GOLIM4: variants seen among roughly 807,000 people sequenced by gnomAD.
The protein encoded by GOLIM4 is 130 kDa golgi-localized phosphoprotein.
In GOLIM4, 71 loss-of-function variants were observed where a neutral mutation model predicts 107.4. The observed-to-expected ratio is 0.66, with a 90% CI of 0.55 to 0.81. The LOEUF (loss-of-function observed/expected upper bound fraction) is 0.81, where lower values mean the gene tolerates loss of function less well. Among genes scored for constraint, GOLIM4 ranks in the 30% least tolerant of loss-of-function variants. The pLI, the probability that GOLIM4 is intolerant of heterozygous loss-of-function variation, is 0.00. For missense variants in GOLIM4, 830 were observed against 826.1 expected (o/e 1.00, Z -0.06); for synonymous variants, 327 against 294.8 (o/e 1.11, Z -1.12).
intron 1 of GOLIM4, among the ~76,000 whole-genome samples, chr3:168,065,151 T>C (rs574202819): frequency 1.3e-5 from 2 of 152,326 alleles, no homozygotes; most frequent in South Asian, 2.1e-4. Flanking sequence ...AGTAATAAAA[T>C]GAAGCTGTTG....
At chr3:168,058,238 AT>A (rs1720083531) in intron 1 of GOLIM4, among the ~76,000 whole-genome samples, 1 of 152,244 alleles carries the variant, frequency 6.6e-6, no homozygotes, top group Non-Finnish European at 1.5e-5. Flanking sequence ...AGTAGCTTAT[AT>A]GGAAATTTTA....
rs1432878158 is a variant in GOLIM4, at chr3:168,081,671, AAATGGTAATAACACAGTAT to A, written c.187+13409_187+13427del. Among the ~76,000 whole-genome samples the A allele has an allele frequency of 6.6e-5, 10 of 152,280 alleles. No homozygotes were observed. In the South Asian group the frequency reaches 1.7e-3, roughly 25 times the overall value. Reference sequence around the variant, plus strand: ...TGTGACTTCTGCTTCCTTAAATTTAAAATGGTAATAACACAGTATAATGGTAATAACACAGAGTTATTAC... The same window carrying A: ...TGTGACTTCTGCTTCCTTAAATTTAAAATGGTAATAACACAGAGTTATTAC... On this transcript the variant is annotated intron_variant, in intron 1 of 15. Transcript: ENST00000470487.
At chr3:168,033,606 C>CAAAAAAAAAAAAAAAAAAAAAAAAAAAA (rs61728774) in intron 8 of GOLIM4, among the ~76,000 whole-genome samples, 1 of 31,306 alleles carries the variant, frequency 3.2e-5, no homozygotes, top group Non-Finnish European at 6.2e-5. Context: ...GACTCCGTCT[C>CAAAAAAAAAAAAAAAAAAAAAAAAAAAA]AAAAAAAAAA....
chr3:168,027,748 C>A lies in GOLIM4; in HGVS notation c.1603G>T (p.Asp535Tyr). Residue 535 changes from aspartate to tyrosine, a missense_variant, in exon 12 of 16, where the codon GAC becomes TAC. By Grantham distance (160) the Asp-to-Tyr change is radical. Transcript: ENST00000470487. Reference sequence around the variant, plus strand: ...CTTACATCTGCCTCAGATTCTGGGTCGGCTTCTCGGGGTCCTTGTTCACGA... The same window carrying A: ...CTTACATCTGCCTCAGATTCTGGGTAGGCTTCTCGGGGTCCTTGTTCACGA... The part of the protein sequence containing the change: ...EPREQGPREA[D>Y]PESEADRAAV... 3 of 1,606,162 alleles carry A rather than the reference C, an allele frequency of 1.9e-6. No individual in the cohort carries two copies. The highest frequency in any genetic ancestry group is 1.3e-5 in the African/African-American group (1 of 74,824).
At chr3:168,059,299 G>A (rs1180200694) in intron 1 of GOLIM4, among the ~76,000 whole-genome samples, 19 of 152,178 alleles carry the variant, frequency 1.2e-4, no homozygotes, top group Admixed American at 1.2e-3. Context: ...CCTCAACTAG[G>A]TTGGAATGCA....
At chr3:168,086,530 C>T (rs1721636859) in intron 1 of GOLIM4, among the ~76,000 whole-genome samples, 1 of 152,130 alleles carries the variant, frequency 6.6e-6, no homozygotes. Flanking sequence ...TTCATGCACT[C>T]CCAAAGAAAA....
chr3:168,037,313 G>A lies in GOLIM4; in HGVS notation c.685-319C>T, dbSNP rs377455980. On this transcript the variant is annotated intron_variant, in intron 7 of 15. Coordinates refer to ENST00000470487, the MANE Select transcript of GOLIM4 (RefSeq NM_014498.5). ...CACTATTAAAAGACCGTTCTGTGATGTTTTATCATATTAAAAAATCCATTA... is the reference window on the plus strand; with the variant it reads ...CACTATTAAAAGACCGTTCTGTGATATTTTATCATATTAAAAAATCCATTA... 7.9e-5 allele frequency among the ~76,000 whole-genome samples: 12 copies of A among 152,176 alleles called. No individual in the cohort carries two copies. The East Asian group carries it at 2.3e-3, about 29-fold the overall frequency.
rs1256791930 is a variant in GOLIM4, at chr3:168,024,543, C to T, written c.1843G>A (p.Glu615Lys). The T allele has an allele frequency of 3.1e-6, 5 of 1,612,686 alleles. No individual in the cohort carries two copies. In the East Asian group the frequency reaches 8.9e-5, roughly 29 times the overall value. The change falls in exon 14 of 16, where the codon GAA (glutamate) becomes AAA (lysine). Residue 615 changes from glutamate to lysine, a missense_variant. Coordinates refer to ENST00000470487, the MANE Select transcript of GOLIM4 (RefSeq NM_014498.5). ...CTTACTACCTCCTCTTCTGCCTCTT[C>T]CTGGTACTGTTCATCAACATTGTCC... ...QEDNVDEQYQ[E>K]EAEEEVQEDL...
chr3:168,036,746 G>A, intron 8 of GOLIM4, 90 bp downstream of exon 8: 1 of 1,005,004 alleles, frequency 1.0e-6, no homozygotes, highest in Non-Finnish European at 1.5e-6. Context: ...TGCTCTCCCA[G>A]AAAAGTTGGC....
chr3:168,081,690 T>G (rs1721375398), intron 1 of GOLIM4, among the ~76,000 whole-genome samples: 1 of 152,136 alleles, frequency 6.6e-6, no homozygotes, highest in Admixed American at 6.5e-5. Flanking sequence ...TAACACAGTA[T>G]AATGGTAATA....
At chr3:168,082,243 G>A (rs1168539060) in intron 1 of GOLIM4, among the ~76,000 whole-genome samples, 1 of 152,124 alleles carries the variant, frequency 6.6e-6, no homozygotes, top group Non-Finnish European at 1.5e-5. Context: ...CTACCCTTAA[G>A]GAAGACAGGA....
In GOLIM4 at chr3:168,027,695, ACATGTGTCAGGGG is replaced by A. The variant is rs923645866; in HGVS notation, c.1623+20_1623+32del. On this transcript the variant is annotated intron_variant, in intron 12 of 15. Transcript: ENST00000470487. ...ACTCTCTTTCCCACCTTATGAGTTT[ACATGTGTCAGGGG>A]CAGAAGAGAGGATACTTACATCTGC... 1.6e-5 allele frequency: 20 copies of A among 1,239,090 alleles called. No individual in the cohort carries two copies. Among genetic ancestry groups the A allele is most frequent in the Non-Finnish European group, 2.1e-5 (18 of 839,194 alleles). The allele number at this position is 1,239,090 out of a possible 1,614,324, so 76.8% of individuals were successfully genotyped here. A position where few individuals can be genotyped will look rare whatever the true frequency, so the allele number is the denominator to read the frequency against.
intron 14 of GOLIM4, among the ~76,000 whole-genome samples, chr3:168,017,547 A>T (rs1239845568): frequency 1.3e-5 from 2 of 152,190 alleles, no homozygotes; most frequent in African/African-American, 2.4e-5. Context: ...AGAACTGTAG[A>T]AATTTGAGAG....
chr3:168,087,084 C>G (rs1297578167), intron 1 of GOLIM4, among the ~76,000 whole-genome samples: 1 of 152,102 alleles, frequency 6.6e-6, no homozygotes, highest in African/African-American at 2.4e-5. Flanking sequence ...CATGCAGGCA[C>G]CCCTCAGGCG....
At chr3:168,018,425 A>G (rs1357078498) in intron 14 of GOLIM4, among the ~76,000 whole-genome samples, 14 of 152,190 alleles carry the variant, frequency 9.2e-5, no homozygotes. Context: ...GAGCCAAACC[A>G]TTGTGAACCT....
intron 8 of GOLIM4, among the ~76,000 whole-genome samples, chr3:168,036,410 G>A (rs1308107384): frequency 2.0e-5 from 3 of 152,080 alleles, no homozygotes; most frequent in African/African-American, 7.2e-5. Context: ...GCGTGGTGGC[G>A]GGCGCCTATA....
At chr3:168,085,584 G>T (rs1216815482) in intron 1 of GOLIM4, among the ~76,000 whole-genome samples, 3 of 152,106 alleles carry the variant, frequency 2.0e-5, no homozygotes, top group African/African-American at 4.8e-5. Flanking sequence ...AATTTAAAAA[G>T]GCCACGGGTC....
At chr3:168,035,589 C>A (rs930661007) in intron 8 of GOLIM4, among the ~76,000 whole-genome samples, 14 of 152,070 alleles carry the variant, frequency 9.2e-5, no homozygotes, top group Non-Finnish European at 1.8e-4. Context: ...TAAGTGGGAG[C>A]TAAATGATGA....
chr3:168,043,394 G>A lies in GOLIM4; in HGVS notation c.502C>T (p.Leu168Phe). 1 of 1,607,388 alleles carries A rather than the reference G, an allele frequency of 6.2e-7. No individual in the cohort carries two copies. Among genetic ancestry groups the A allele is most frequent in the Non-Finnish European group, 8.5e-7 (1 of 1,177,514 alleles). Residue 168 changes from leucine to phenylalanine, a missense_variant, in exon 5 of 16, where the codon CTT becomes TTT. By Grantham distance (22) the Leu-to-Phe change is conservative (BLOSUM62 0). Transcript: ENST00000470487. ...LQLQQEKEQE[L>F]SKLKETVYNL... is the part of the protein sequence containing the mutation. ...TTCCAAATACCTTTTAGCTTAGAAA[G>A]TTCTTGTTCTTTTTCTTGCTGGAGC...
Sources: gnomAD v4.1 joint callset for allele counts (sites outside exome capture counted in the v4.1 genomes callset) on GRCh38, gnomAD v4.1.1 for gene constraint, MANE v1.5 for transcripts, NCBI Gene and HGNC (gene_info 2026-07-23, HGNC 2026-07-21) for gene names.